ARHGAP5: variants seen among roughly 807,000 people sequenced by gnomAD.
ARHGAP5 encodes the protein Rho GTPase activating protein 5.
A neutral mutation model predicts 116.6 loss-of-function variants in ARHGAP5; 23 were observed. That is an observed-to-expected ratio of 0.20 (90% CI 0.14 to 0.28). ARHGAP5 has a LOEUF of 0.28. ARHGAP5 is among the 10% of genes least tolerant of loss of function. The pLI is 1.00. For missense variants in ARHGAP5, 1,405 were observed against 1,774.8 expected (o/e 0.79, Z 3.74); for synonymous variants, 574 against 602.0 (o/e 0.95, Z 0.68).
chr14:32,148,308 T>C (rs891614596), intron 4 of ARHGAP5, among the ~76,000 whole-genome samples: 1 of 152,196 alleles, frequency 6.6e-6, no homozygotes, highest in Non-Finnish European at 1.5e-5. Flanking sequence ...TTATAGTTAA[T>C]ACCAAGGCTC....
intron 2 of ARHGAP5, among the ~76,000 whole-genome samples, chr14:32,113,165 T>C (rs1036647695): frequency 1.3e-5 from 2 of 152,216 alleles, no homozygotes; most frequent in Admixed American, 6.5e-5. Flanking sequence ...TATCAGAATT[T>C]TGTGGAGAGT....
rs748908316 is a variant in ARHGAP5, at chr14:32,154,827, C to A, written c.4388C>A (p.Pro1463His). ...EIVETTNIVAPPPPSNPGQLV... is the reference protein window; with the variant it reads ...EIVETTNIVAHPPPSNPGQLV... Reference sequence around the variant, plus strand: ...GTAGAAACGACAAACATTGTGGCTCCTCCACCACCTTCAAACCCAGGACAG... The same window carrying A: ...GTAGAAACGACAAACATTGTGGCTCATCCACCACCTTCAAACCCAGGACAG... The change falls in exon 7 of 7, where the codon CCT becomes CAT. Residue 1463 changes from proline (P) to histidine (H), a missense_variant. Physicochemically the swap from Pro to His is moderately conservative, Grantham distance 77. Around this residue, in one of 6 missense-constraint regions of ARHGAP5, gnomAD observed 85 missense variants for 96.6 expected, o/e 0.88. Transcript: ENST00000345122. 2 of 1,614,096 alleles carry A rather than the reference C, an allele frequency of 1.2e-6. No individual in the cohort carries two copies. Among genetic ancestry groups the A allele is most frequent in the Non-Finnish European group, 1.7e-6 (2 of 1,179,970 alleles).
At chr14:32,120,610 TTTTTTTTTTTTAAATTA>T (rs1158753734) in intron 3 of ARHGAP5, among the ~76,000 whole-genome samples, 1 of 150,252 alleles carries the variant, frequency 6.7e-6, no homozygotes, top group Non-Finnish European at 1.5e-5. Context: ...TAATTTCCTT[TTTTTTTTTTTTAAATTA>T]ACTCATCGGT....
At chr14:32,119,154 T>G (rs2139074787) in intron 3 of ARHGAP5, among the ~76,000 whole-genome samples, 1 of 152,268 alleles carries the variant, frequency 6.6e-6, no homozygotes, top group East Asian at 1.9e-4. Context: ...TTAAGCAGTT[T>G]TAGCAGAAAT....
At chr14:32,128,949 A>G (rs1880335280) in intron 3 of ARHGAP5, among the ~76,000 whole-genome samples, 1 of 152,210 alleles carries the variant, frequency 6.6e-6, no homozygotes, top group African/African-American at 2.4e-5. Context: ...TTAAAAGTGC[A>G]CTGTCTTCAG....
In ARHGAP5 at chr14:32,093,535, G is replaced by C. The variant is rs778782654; in HGVS notation, c.2866G>C (p.Glu956Gln). The C allele has an allele frequency of 6.2e-7, 1 of 1,613,786 alleles. No individual in the cohort carries two copies. Among genetic ancestry groups the C allele is most frequent in the East Asian group, 2.2e-5 (1 of 44,866 alleles). ...ENSYLSDNTRESTHQSEDVFL... is the reference protein window; with the variant it reads ...ENSYLSDNTRQSTHQSEDVFL... ...TTCTTATTTGTCTGATAATACAAGG[G>C]AATCAACCCATCAAAGTGAAGATGT... The change falls in exon 2 of 7, where the codon GAA (glutamate) becomes CAA (glutamine). Residue 956 changes from glutamate (E) to glutamine (Q), a missense_variant. Physicochemically the swap from Glu to Gln is conservative, Grantham distance 29. Transcript: ENST00000345122.
At chr14:32,119,945 G>A (rs28845852) in intron 3 of ARHGAP5, among the ~76,000 whole-genome samples, 8,376 of 152,080 alleles carry the variant, frequency 0.055, 744 homozygotes, top group African/African-American at 0.19. Flanking sequence ...TTTTCTTGCA[G>A]TGTCTTTGTT....
chr14:32,093,524 A>C lies in ARHGAP5; in HGVS notation c.2855A>C (p.Asp952Ala). Residue 952 changes from aspartate (D) to alanine (A), a missense_variant, in exon 2 of 7, where the codon GAT becomes GCT. Asp to Ala is a moderately radical substitution (Grantham distance 126, BLOSUM62 -2). Coordinates refer to ENST00000345122, the MANE Select transcript of ARHGAP5 (RefSeq NM_001030055.2). ...KNMIENSYLS[D>A]NTRESTHQSE... The stretch of plus-strand genomic sequence containing the variant: ...ATGATAGAAAATTCTTATTTGTCTG[A>C]TAATACAAGGGAATCAACCCATCAA... 6.2e-7 allele frequency: 1 copy of C among 1,613,658 alleles called. No homozygotes were observed. Among genetic ancestry groups the C allele is most frequent in the South Asian group, 1.1e-5 (1 of 90,974 alleles).
chr14:32,137,275 T>A (rs969057960), intron 3 of ARHGAP5, among the ~76,000 whole-genome samples: 1 of 149,284 alleles, frequency 6.7e-6, no homozygotes, highest in African/African-American at 2.5e-5. Context: ...CTAAATTCGT[T>A]CTTAAGCATG....
chr14:32,140,885 G>T lies in ARHGAP5; in HGVS notation c.3866-5378G>T, dbSNP rs1245116869. ...TCTGTTTTCCTTGGTGATCTGTCTA[G>T]TTCTGTTCATTATTATAGTGGACTA... On this transcript the variant is annotated intron_variant, in intron 3 of 6. Transcript: ENST00000345122. Among the ~76,000 whole-genome samples, 6 of 152,130 alleles carry T rather than the reference G, an allele frequency of 3.9e-5. No homozygotes were observed. The South Asian group carries it at 1.2e-3, about 31-fold the overall frequency.
intron 2 of ARHGAP5, among the ~76,000 whole-genome samples, chr14:32,095,995 A>G (rs1878507657): frequency 6.6e-6 from 1 of 150,990 alleles, no homozygotes; most frequent in African/African-American, 2.4e-5. Context: ...TTTTATTTTG[A>G]TGTAATTTCA....
Position 32,094,404 on chromosome 14 carries a change from T to G in ARHGAP5, c.3717+18T>G, listed in dbSNP as rs775337296. ...ATAAAAAGGTAAGGTTAACTTAAGG[T>G]CAGTGATGTTTATAAAAATGCTTGT... On this transcript the variant is annotated intron_variant, in intron 2 of 6. Transcript: ENST00000345122. The G allele has an allele frequency of 1.3e-6, 2 of 1,517,264 alleles. No individual in the cohort carries two copies. The highest frequency in any genetic ancestry group is 1.8e-6 in the Non-Finnish European group (2 of 1,131,920). 94.0% of individuals were successfully genotyped at this position (1,517,264 alleles called of 1,614,324 possible).
chr14:32,095,237 A>G (rs1255235361), intron 2 of ARHGAP5, among the ~76,000 whole-genome samples: 1 of 152,086 alleles, frequency 6.6e-6, no homozygotes, highest in Non-Finnish European at 1.5e-5. Flanking sequence ...ATCATACCCA[A>G]TTAAAGGTGT....
chr14:32,150,694 C>T (rs952780378), intron 5 of ARHGAP5, among the ~76,000 whole-genome samples: 1 of 152,220 alleles, frequency 6.6e-6, no homozygotes, highest in Non-Finnish European at 1.5e-5. Context: ...ATAGTCACCT[C>T]TTAAAGATTC....
At chr14:32,142,648 T>C (rs1171812292) in intron 3 of ARHGAP5, among the ~76,000 whole-genome samples, 2 of 152,184 alleles carry the variant, frequency 1.3e-5, no homozygotes, top group South Asian at 2.1e-4. Context: ...ATGACCACAG[T>C]TCTTTCAGAA....
chr14:32,113,138 C>G (rs932495674), intron 2 of ARHGAP5, among the ~76,000 whole-genome samples: 1 of 152,166 alleles, frequency 6.6e-6, no homozygotes, highest in Non-Finnish European at 1.5e-5. Context: ...ATCAGGAACT[C>G]TCAACCAAAG....
intron 3 of ARHGAP5, among the ~76,000 whole-genome samples, chr14:32,119,762 G>A (rs1289079156): frequency 1.3e-5 from 2 of 152,006 alleles, no homozygotes; most frequent in Admixed American, 6.5e-5. Flanking sequence ...GTTATCTTAC[G>A]ATTGTTTTTT....
chr14:32,082,069 C>T (rs1253951398), intron 1 of ARHGAP5, among the ~76,000 whole-genome samples: 2 of 152,126 alleles, frequency 1.3e-5, no homozygotes, highest in South Asian at 2.1e-4. Flanking sequence ...GAGAATCTAT[C>T]GCTGCTGTGG....
At chr14:32,151,760 ATTAG>A (rs1881648002) in intron 5 of ARHGAP5, among the ~76,000 whole-genome samples, 1 of 152,242 alleles carries the variant, frequency 6.6e-6, no homozygotes, top group African/African-American at 2.4e-5. Flanking sequence ...TTTATAAGTA[ATTAG>A]TTAATTATAA....
Sources: gnomAD v4.1 joint callset for allele counts (sites outside exome capture counted in the v4.1 genomes callset) on GRCh38, gnomAD v4.1.1 for gene constraint, gnomAD v4.1.1 regional missense constraint, MANE v1.5 for transcripts, NCBI Gene and HGNC (gene_info 2026-07-23, HGNC 2026-07-21) for gene names.